Variants in CPLX2 observed in about 807,000 individuals in gnomAD.
CPLX2 encodes complexin 2.
Under a neutral mutation model 16.3 loss-of-function variants are expected in CPLX2, and 5 were observed. The observed-to-expected ratio is 0.31, with a 90% CI of 0.16 to 0.64. CPLX2 has a LOEUF of 0.64. CPLX2 is among the 30% of genes least tolerant of loss of function. The probability of loss-of-function intolerance (pLI) is 0.79; values close to 1 mark genes in which losing one functional copy is unlikely to be tolerated. For synonymous variants in CPLX2, 89 were observed against 73.2 expected (o/e 1.22, Z -1.10); for missense variants, 144 against 181.4 (o/e 0.79, Z 1.18).
chr5:175,847,255 C>T (rs967468166), intron 2 of CPLX2, among the ~76,000 whole-genome samples: 2 of 152,162 alleles, frequency 1.3e-5, no homozygotes, highest in Admixed American at 1.3e-4. Flanking sequence ...GGAGGAGCCG[C>T]GTGGGGGAGT....
intron 2 of CPLX2, among the ~76,000 whole-genome samples, chr5:175,847,547 C>T (rs998502357): frequency 6.6e-6 from 1 of 152,232 alleles, no homozygotes; most frequent in African/African-American, 2.4e-5. Context: ...AGCGCTCTTC[C>T]ATCAGAGTTA....
chr5:175,838,012 T>C (rs1758868745), intron 2 of CPLX2, among the ~76,000 whole-genome samples: 1 of 152,228 alleles, frequency 6.6e-6, no homozygotes, highest in Non-Finnish European at 1.5e-5. Flanking sequence ...TTTGTAAATG[T>C]ATTTTTTAAA....
intron 2 of CPLX2, among the ~76,000 whole-genome samples, chr5:175,817,182 G>A (rs1758424018): frequency 6.6e-6 from 1 of 152,220 alleles, no homozygotes; most frequent in Admixed American, 6.5e-5. Flanking sequence ...TGTTTCTTTG[G>A]GATGGAATCA....
At chr5:175,868,871 C>A (rs1581100316), upstream of CPLX2, among the ~76,000 whole-genome samples, 1 of 152,314 alleles carries the variant, frequency 6.6e-6, no homozygotes, top group East Asian at 1.9e-4. Context: ...CAAGCCTGGT[C>A]TGGAACCCTG....
intron 1 of CPLX2, among the ~76,000 whole-genome samples, chr5:175,799,547 T>TATAC (rs1435871316): frequency 9.7e-6 from 1 of 102,616 alleles, no homozygotes; most frequent in Admixed American, 1.1e-4. Flanking sequence ...TTCATATATA[T>TATAC]ATATATATAT....
chr5:175,879,768 C>T, intron 3 of CPLX2, 80 bp from the exon 4 acceptor site: 7 of 1,365,880 alleles, frequency 5.1e-6, no homozygotes, highest in South Asian at 1.2e-5. Context: ...CCACCTCAGC[C>T]AGTGCTGCAT....
At chr5:175,856,790 G>T (rs1345156889) in intron 2 of CPLX2, among the ~76,000 whole-genome samples, 1 of 152,138 alleles carries the variant, frequency 6.6e-6, no homozygotes, top group East Asian at 1.9e-4. Flanking sequence ...TCAGGAAGGT[G>T]GGGGGTGGGG....
intron 1 of CPLX2, among the ~76,000 whole-genome samples, chr5:175,806,759 A>G (rs113318588): frequency 0.01 from 1,570 of 151,970 alleles, 22 homozygotes; most frequent in African/African-American, 0.036. Context: ...CAGCCTCCCA[A>G]AGTGCTGGGA....
At chr5:175,835,656 T>G (rs1400574891) in intron 2 of CPLX2, among the ~76,000 whole-genome samples, 1 of 151,834 alleles carries the variant, frequency 6.6e-6, no homozygotes, top group East Asian at 1.9e-4. Flanking sequence ...TGAAATCAAA[T>G]TATTTATTTA....
At chr5:175,815,895 C>T (rs1430220383) in intron 2 of CPLX2, among the ~76,000 whole-genome samples, 1 of 152,262 alleles carries the variant, frequency 6.6e-6, no homozygotes, top group African/African-American at 2.4e-5. Flanking sequence ...CTTGTTACAT[C>T]TATGCCCAGC....
intron 1 of CPLX2, among the ~76,000 whole-genome samples, chr5:175,800,519 G>A (rs1758073107): frequency 6.6e-6 from 1 of 151,818 alleles, no homozygotes; most frequent in Admixed American, 6.6e-5. Context: ...TGTTCTGGGA[G>A]TGTGATTGCA....
chr5:175,797,928 A>T (rs1363645936), intron 1 of CPLX2, among the ~76,000 whole-genome samples: 1 of 152,194 alleles, frequency 6.6e-6, no homozygotes, highest in Non-Finnish European at 1.5e-5. Context: ...TTTCTCTGAG[A>T]GCTGAGGCTG....
At chr5:175,799,569 T>TAC (rs1758054035) in intron 1 of CPLX2, among the ~76,000 whole-genome samples, 1 of 143,750 alleles carries the variant, frequency 7.0e-6, no homozygotes, top group Non-Finnish European at 1.5e-5. Flanking sequence ...TATATATATA[T>TAC]ATATATAGTA....
At chr5:175,851,118 G>C (rs1759143612) in intron 2 of CPLX2, among the ~76,000 whole-genome samples, 1 of 152,082 alleles carries the variant, frequency 6.6e-6, no homozygotes, top group African/African-American at 2.4e-5. Context: ...TCTTGCGTGT[G>C]AGGAGCCTGT....
chr5:175,856,628 G>A (rs1759262628), intron 2 of CPLX2, among the ~76,000 whole-genome samples: 1 of 152,216 alleles, frequency 6.6e-6, no homozygotes, highest in South Asian at 2.1e-4. Context: ...TGCGGCATGC[G>A]AGAGGGAGCT....
At chr5:175,840,875 C>T (rs534604635) in intron 2 of CPLX2, among the ~76,000 whole-genome samples, 3 of 152,294 alleles carry the variant, frequency 2.0e-5, no homozygotes, top group Admixed American at 1.3e-4. Flanking sequence ...ATAGCATGCT[C>T]AGCTCAAAGA....
chr5:175,860,542 TA>T (rs1561786464), intron 2 of CPLX2, among the ~76,000 whole-genome samples: 23 of 13,866 alleles, frequency 1.7e-3, no homozygotes, highest in Non-Finnish European at 2.5e-3. Context: ...GAAAGAAAGA[TA>T]GATAGAAAGA....
intron 1 of CPLX2, among the ~76,000 whole-genome samples, chr5:175,799,096 A>C (rs1178692157): frequency 2.0e-5 from 3 of 152,244 alleles, no homozygotes; most frequent in Non-Finnish European, 4.4e-5. Flanking sequence ...GGGATGCATC[A>C]ACACTCAACA....
chr5:175,854,796 A>C (rs188085265), intron 2 of CPLX2, among the ~76,000 whole-genome samples: 2 of 152,292 alleles, frequency 1.3e-5, no homozygotes, highest in East Asian at 3.9e-4. Context: ...CACTGCAGTC[A>C]AACAGGTGTA....
Sources: allele counts gnomAD v4.1 joint callset (sites outside exome capture counted in the v4.1 genomes callset), GRCh38; gene constraint gnomAD v4.1.1; transcripts MANE v1.5; gene names NCBI Gene and HGNC (gene_info 2026-07-23, HGNC 2026-07-21).